Variants in ULK4 observed in about 807,000 individuals in gnomAD.
ULK4 encodes inactive serine/threonine-protein kinase ULK4.
ULK4 carries 133 observed loss-of-function variants against 160.6 expected under a neutral mutation model. The observed-to-expected ratio is 0.83, with a 90% CI of 0.72 to 0.96. ULK4 has a LOEUF of 0.96. Among genes scored for constraint, ULK4 ranks in the 40% least tolerant of loss-of-function variants. ULK4 has a pLI of 0.00. For missense variants in ULK4, 1,580 were observed against 1,499.5 expected (o/e 1.05, Z -0.89); for synonymous variants, 534 against 539.8 (o/e 0.99, Z 0.15).
intron 18 of ULK4, among the ~76,000 whole-genome samples, chr3:41,829,788 A>G (rs1281037232): frequency 1.4e-5 from 2 of 146,876 alleles, no homozygotes; most frequent in Non-Finnish European, 3.0e-5. Flanking sequence ...CAGCCATCCC[A>G]TTACTGGGTA....
chr3:41,431,276 G>C (rs558987481), intron 34 of ULK4, among the ~76,000 whole-genome samples: 74 of 151,188 alleles, frequency 4.9e-4, no homozygotes, highest in Non-Finnish European at 9.6e-4. Flanking sequence ...TGAACCCGGG[G>C]GGCAGAGGTT....
At chr3:41,551,406 AAGAT>A (rs1219811895) in intron 32 of ULK4, among the ~76,000 whole-genome samples, 2 of 106,846 alleles carry the variant, frequency 1.9e-5, no homozygotes, top group African/African-American at 3.3e-5. Context: ...AAAAAGGAAG[AAGAT>A]CCAAATAAAA....
chr3:41,525,180 G>A (rs1331800043), intron 32 of ULK4, among the ~76,000 whole-genome samples: 1 of 152,110 alleles, frequency 6.6e-6, no homozygotes, highest in Non-Finnish European at 1.5e-5. Flanking sequence ...AGATATGTGA[G>A]AGGCATTAAC....
At chr3:41,851,152 GCCAGTTTTCAAAGGGAATGCTT>G (rs946624200) in intron 17 of ULK4, among the ~76,000 whole-genome samples, 1 of 151,960 alleles carries the variant, frequency 6.6e-6, no homozygotes, top group African/African-American at 2.4e-5. Flanking sequence ...CCTGTCTTGT[GCCAGTTTTCAAAGGGAATGCTT>G]CCAGTTTTTG....
intron 34 of ULK4, among the ~76,000 whole-genome samples, chr3:41,424,684 G>C (rs1400014327): frequency 2.0e-5 from 3 of 152,128 alleles, no homozygotes; most frequent in Non-Finnish European, 4.4e-5. Context: ...CCCTATGGAA[G>C]AGGGGCCTGA....
At chr3:41,729,727 A>AG (rs1263099475) in intron 22 of ULK4, among the ~76,000 whole-genome samples, 1 of 152,210 alleles carries the variant, frequency 6.6e-6, no homozygotes, top group Non-Finnish European at 1.5e-5. Context: ...GTAGTGCATG[A>AG]GACAGCCTGC....
intron 35 of ULK4, among the ~76,000 whole-genome samples, chr3:41,269,078 T>A (rs1435977541): frequency 6.6e-6 from 1 of 152,084 alleles, no homozygotes; most frequent in Admixed American, 6.6e-5. Context: ...CCCCATATGA[T>A]CCACTTGAGT....
chr3:41,439,782 TG>T (rs2125855250), intron 34 of ULK4, among the ~76,000 whole-genome samples: 1 of 152,310 alleles, frequency 6.6e-6, no homozygotes, highest in Non-Finnish European at 1.5e-5. Flanking sequence ...GGATTTTGAC[TG>T]GGACCACATT....
rs563948623 is a variant in ULK4 at position 41,959,697 on chromosome 3, C to T, written c.-49+2319G>A. Among the ~76,000 whole-genome samples, 9 of 151,944 alleles carry T rather than the reference C, an allele frequency of 5.9e-5. No homozygotes were observed. The East Asian group carries it at 7.8e-4, about 13-fold the overall frequency. ...CTCATGTCTGTAATCCCAACGCTTT[C>T]GGAGGTGGAGGCAGGATTGTCTGAA... On this transcript the variant is annotated intron_variant, in intron 1 of 36. Transcript: ENST00000301831.
At chr3:41,774,777 T>C (rs2039539832) in intron 21 of ULK4, among the ~76,000 whole-genome samples, 4 of 150,576 alleles carry the variant, frequency 2.7e-5, no homozygotes, top group Admixed American at 2.6e-4. Flanking sequence ...TGCACACATA[T>C]GTTTATTGCG....
intron 21 of ULK4, among the ~76,000 whole-genome samples, chr3:41,785,698 C>A (rs1259535183): frequency 6.6e-6 from 1 of 152,194 alleles, no homozygotes; most frequent in Non-Finnish European, 1.5e-5. Flanking sequence ...GCTGGTAAAT[C>A]TGCACCTCAA....
chr3:41,456,402 TCTG>T (rs35141587), intron 33 of ULK4, among the ~76,000 whole-genome samples: 76,982 of 151,764 alleles, frequency 0.51, 19,712 homozygotes, highest in East Asian at 0.66. Flanking sequence ...CCAAGTGCAT[TCTG>T]CTATGCTTTC....
chr3:41,764,707 G>A (rs568938336), intron 21 of ULK4, among the ~76,000 whole-genome samples: 1 of 152,332 alleles, frequency 6.6e-6, no homozygotes, highest in East Asian at 1.9e-4. Context: ...TTTGGAATCA[G>A]GAAGACCTGG....
Position 41,941,755 on chromosome 3 carries a change from C to CAAAAAAAAAAAAA in ULK4, c.139-3571_139-3559dup, listed in dbSNP as rs565727539. Among the ~76,000 whole-genome samples, 18 of 30,746 alleles carry CAAAAAAAAAAAAA rather than the reference C, an allele frequency of 5.9e-4. 1 individual carries two copies. Among genetic ancestry groups the CAAAAAAAAAAAAA allele is most frequent in the Admixed American group, 1.4e-3 (2 of 1,480 alleles). 20.2% of individuals were successfully genotyped at this position (30,746 alleles called of 152,430 possible). A position where few individuals can be genotyped will look rare whatever the true frequency, so the allele number is the denominator to read the frequency against. ...TGAGTGACAGAGTGAGACTCTGTCT[C>CAAAAAAAAAAAAA]AAAAAAAAAAAAAAAAAAAAAAAAG... is the stretch of plus-strand genomic sequence containing the variant. On this transcript the variant is annotated intron_variant, in intron 2 of 36. Coordinates refer to ENST00000301831, the MANE Select transcript of ULK4 (RefSeq NM_017886.4).
chr3:41,482,023 TCTTA>T (rs879659631), intron 32 of ULK4, among the ~76,000 whole-genome samples: 3 of 152,104 alleles, frequency 2.0e-5, no homozygotes, highest in Admixed American at 1.3e-4. Flanking sequence ...GCGTTCCTCC[TCTTA>T]CTTTTGGGAA....
chr3:41,507,135 C>CAAA lies in ULK4; in HGVS notation c.3227-43885_3227-43883dup, dbSNP rs11368634. Among the ~76,000 whole-genome samples, 360 of 121,318 alleles carry CAAA rather than the reference C, an allele frequency of 3.0e-3. 3 individuals carry two copies. Among genetic ancestry groups the CAAA allele is most frequent in the African/African-American group, 7.9e-3 (236 of 29,686 alleles). The allele number at this position is 121,318 out of a possible 152,430, so 79.6% of individuals were successfully genotyped here. A position where few individuals can be genotyped will look rare whatever the true frequency, so the allele number is the denominator to read the frequency against. On this transcript the variant is annotated intron_variant, in intron 32 of 36. Transcript: ENST00000301831. ...AGACAAGTACCTTATAGATTCCGGCCAAAAAAAAAAATAGAATTATACATA... is the reference window on the plus strand; with the variant it reads ...AGACAAGTACCTTATAGATTCCGGCCAAAAAAAAAAAAAATAGAATTATACATA...
chr3:41,889,539 G>A (rs1697840986), intron 16 of ULK4, among the ~76,000 whole-genome samples: 2 of 152,268 alleles, frequency 1.3e-5, no homozygotes, highest in Admixed American at 6.5e-5. Context: ...CTATTTCAGG[G>A]TGGAGGGTGG....
intron 30 of ULK4, among the ~76,000 whole-genome samples, chr3:41,640,346 G>A (rs2034132166): frequency 6.6e-6 from 1 of 152,160 alleles, no homozygotes; most frequent in Non-Finnish European, 1.5e-5. Context: ...GCCTAGCTCT[G>A]TATTTCCCAT....
chr3:41,935,995 C>A (rs1332927479), intron 3 of ULK4, 55 bp from the exon 4 acceptor site: 3 of 1,504,156 alleles, frequency 2.0e-6, no homozygotes, highest in Non-Finnish European at 8.9e-7. Context: ...CACAGAGTGC[C>A]CCTGAGAGGT....
Sources: gnomAD v4.1 joint callset for allele counts (sites outside exome capture counted in the v4.1 genomes callset) on GRCh38, gnomAD v4.1.1 for gene constraint, MANE v1.5 for transcripts, NCBI Gene and HGNC (gene_info 2026-07-23, HGNC 2026-07-21) for gene names.